The following NEBL variants were observed in gnomAD, a reference collection of about 807,000 sequenced individuals.
NEBL encodes nebulette.
NEBL carries 122 observed loss-of-function variants against 140.2 expected under a neutral mutation model. The observed-to-expected ratio is 0.87, with a 90% CI of 0.75 to 1.01. The LOEUF is 1.01. NEBL is among the 50% of genes least tolerant of loss of function. The pLI is 0.00. For missense variants in NEBL, 1,365 were observed against 1,231.3 expected, an observed-to-expected ratio of 1.11 and a Z score of -1.62; for synonymous variants, 436 against 398.9, an observed-to-expected ratio of 1.09 and a Z score of -1.11.
At position 20,782,137 on chromosome 10, in the gene NEBL, A is replaced by G. The variant is rs1251804128; in HGVS notation, c.*3610T>C. On this transcript the variant is annotated 3_prime_UTR_variant, in exon 28 of 28. Coordinates refer to ENST00000377122, the MANE Select transcript of NEBL (RefSeq NM_006393.3). ...TTCTAAATCTTTAGAGATAAAATAC[A>G]ATCAGCTAACACCTTTAATATCTGA... is the stretch of plus-strand genomic sequence containing the variant. The G allele has an allele frequency of 6.6e-6, 1 of 152,628 alleles. No individual in the cohort carries two copies. The highest frequency in any genetic ancestry group is 1.5e-5 in the Non-Finnish European group (1 of 68,036). The allele number at this position is 152,628 out of a possible 1,614,324, so 9.5% of individuals were successfully genotyped here.
In NEBL at chr10:20,973,261, T is replaced by G. The variant is rs574602707; in HGVS notation, c.250-11482A>C. ...TTTACCTTTTTCTTTTTTTTTTTTTTTAAGAGACAGAGTATTGCTTTGTCA... is the reference window on the plus strand; with the variant it reads ...TTTACCTTTTTCTTTTTTTTTTTTTGTAAGAGACAGAGTATTGCTTTGTCA... On this transcript the variant is annotated intron_variant, in intron 3 of 6. Coordinates refer to the NEBL transcript ENST00000417816. Among the ~76,000 whole-genome samples the G allele has an allele frequency of 8.6e-5, 13 of 151,788 alleles. No individual in the cohort carries two copies. In the South Asian group the frequency reaches 2.5e-3, roughly 29 times the overall value.
chr10:21,185,270 G>T lies in NEBL; in HGVS notation n.349-12793C>A, dbSNP rs550684735. On this transcript the variant is annotated intron_variant and non_coding_transcript_variant, in intron 3 of 8. Transcript: ENST00000675702. ...CCTTGTTCTGGCTCCTTACAAGAGT[G>T]AAAGGGCATGAAAAGGTCACCGTTC... Among the ~76,000 whole-genome samples the T allele has an allele frequency of 2.0e-5, 3 of 152,278 alleles. No individual in the cohort carries two copies. The East Asian group carries it at 5.8e-4, about 29-fold the overall frequency.
chr10:20,995,350 G>A (rs576643256), intron 3 of NEBL, among the ~76,000 whole-genome samples: 117 of 152,304 alleles, frequency 7.7e-4, no homozygotes, highest in African/African-American at 2.8e-3. Context: ...ATTAGCAATT[G>A]CAGCCGTGTG....
chr10:20,827,596 CATTT>C (rs2130881514), intron 17 of NEBL, among the ~76,000 whole-genome samples: 2 of 152,292 alleles, frequency 1.3e-5, no homozygotes, highest in African/African-American at 4.8e-5. Context: ...CAAGTTTATA[CATTT>C]ATTAATGGAC....
intron 1 of NEBL, among the ~76,000 whole-genome samples, chr10:21,287,649 A>G (rs1843075412): frequency 6.6e-6 from 1 of 152,230 alleles, no homozygotes; most frequent in Admixed American, 6.5e-5. Flanking sequence ...TTAAAAATCT[A>G]ATCAAACCCC....
At chr10:21,288,687 G>A (rs1389652847) in intron 1 of NEBL, among the ~76,000 whole-genome samples, 1 of 145,148 alleles carries the variant, frequency 6.9e-6, no homozygotes, top group Non-Finnish European at 1.5e-5. Flanking sequence ...TCAAACCCAG[G>A]AGGCAGAGGT....
chr10:21,241,372 C>G (rs1842438471), intron 3 of NEBL, among the ~76,000 whole-genome samples: 1 of 152,056 alleles, frequency 6.6e-6, no homozygotes, highest in South Asian at 2.1e-4. Context: ...GTTCGGCCCC[C>G]TGGGTTGCAT....
At chr10:21,156,133 GA>G (rs2132140033) in intron 2 of NEBL, among the ~76,000 whole-genome samples, 1 of 152,314 alleles carries the variant, frequency 6.6e-6, no homozygotes, top group East Asian at 1.9e-4. Context: ...TCCAAGGAAA[GA>G]AAAAACTGCT....
At chr10:21,261,050 G>A (rs1842732632) in intron 1 of NEBL, among the ~76,000 whole-genome samples, 1 of 152,162 alleles carries the variant, frequency 6.6e-6, no homozygotes, top group Non-Finnish European at 1.5e-5. Context: ...TCCTCTTATT[G>A]AATTTCTTTC....
intron 26 of NEBL, among the ~76,000 whole-genome samples, chr10:20,792,123 G>GA (rs11286684): frequency 1.0e-3 from 108 of 106,754 alleles, no homozygotes; most frequent in East Asian, 2.1e-3. Context: ...ATTCCAAATA[G>GA]AAAAAAAAAA....
intron 4 of NEBL, among the ~76,000 whole-genome samples, chr10:20,904,524 C>T (rs1174621179): frequency 6.6e-6 from 1 of 152,148 alleles, no homozygotes; most frequent in African/African-American, 2.4e-5. Flanking sequence ...CTGGAGAAAG[C>T]CCACCTCTCA....
chr10:21,225,141 A>G (rs1589336498), intron 3 of NEBL, among the ~76,000 whole-genome samples: 1 of 152,158 alleles, frequency 6.6e-6, no homozygotes, highest in Non-Finnish European at 1.5e-5. Context: ...GCTCTTGCAG[A>G]CTTGTAGAGG....
intron 2 of NEBL, among the ~76,000 whole-genome samples, chr10:21,061,240 T>A (rs375448864): frequency 1.4e-5 from 1 of 72,706 alleles, no homozygotes; most frequent in African/African-American, 5.4e-5. Context: ...TATATTGTGA[T>A]ATATTACATA....
intron 4 of NEBL, among the ~76,000 whole-genome samples, chr10:20,929,819 T>G (rs920022017): frequency 1.3e-5 from 2 of 152,162 alleles, no homozygotes; most frequent in Non-Finnish European, 2.9e-5. Context: ...ATGAGTACAG[T>G]GTATACTATT....
chr10:21,028,911 C>T, intron 2 of NEBL: 1 of 446,724 alleles, frequency 2.2e-6, no homozygotes, highest in Non-Finnish European at 4.0e-6. Flanking sequence ...TTGATATTGT[C>T]ATATTTTTAA....
At position 21,120,415 on chromosome 10, in the gene NEBL, TATATATA is replaced by T. The variant is rs1564518122; in HGVS notation, c.164+51961_164+51967del. ...ATACATATATATATATATATATATA[TATATATA>T]TAAATTTGATCACTGGTTTAAAGTA... On this transcript the variant is annotated intron_variant, in intron 2 of 6. Transcript: ENST00000417816. Among the ~76,000 whole-genome samples the T allele has an allele frequency of 7.5e-4, 97 of 128,950 alleles. 6 individuals are homozygous for T. The highest frequency in any genetic ancestry group is 2.2e-3 in the African/African-American group (69 of 31,556). 84.6% of individuals were successfully genotyped at this position (128,950 alleles called of 152,430 possible).
chr10:21,171,066 T>C (rs1564535179), intron 2 of NEBL, among the ~76,000 whole-genome samples: 1 of 152,152 alleles, frequency 6.6e-6, no homozygotes, highest in Non-Finnish European at 1.5e-5. Context: ...CCAGGTGCGG[T>C]GGCTCACGCC....
intron 4 of NEBL, among the ~76,000 whole-genome samples, chr10:20,941,286 G>C (rs924089269): frequency 2.0e-5 from 3 of 152,118 alleles, no homozygotes; most frequent in Non-Finnish European, 4.4e-5. Flanking sequence ...TTCAACATAC[G>C]CAAATCAATA....
At chr10:21,055,809 C>T (rs554828294) in intron 2 of NEBL, among the ~76,000 whole-genome samples, 171 of 152,252 alleles carry the variant, frequency 1.1e-3, no homozygotes, top group African/African-American at 4.0e-3. Flanking sequence ...GCCACCATGC[C>T]GATGAGGGTG....
Sources: allele counts gnomAD v4.1 joint callset (sites outside exome capture counted in the v4.1 genomes callset), GRCh38; gene constraint gnomAD v4.1.1; transcripts MANE v1.5; gene names NCBI Gene and HGNC (gene_info 2026-07-23, HGNC 2026-07-21).